Variants in CPPED1 observed in about 807,000 individuals in gnomAD.
CPPED1 encodes serine/threonine-protein phosphatase CPPED1.
CPPED1 carries 28 observed loss-of-function variants against 28.0 expected under a neutral mutation model. The observed-to-expected ratio is 1.00, with a 90% confidence interval of 0.74 to 1.37. The LOEUF is 1.37. Ranked by LOEUF, CPPED1 falls within the 40% of genes most tolerant of loss-of-function variation. The probability of loss-of-function intolerance (pLI) is 0.00; values close to 1 mark genes in which losing one functional copy is unlikely to be tolerated. For missense variants in CPPED1, 504 were observed against 416.5 expected (o/e 1.21, Z -1.83); for synonymous variants, 198 against 180.2 (o/e 1.10, Z -0.79).
At position 12,769,738 on chromosome 16, in the gene CPPED1, C is replaced by T. The variant is rs145376921; in HGVS notation, c.289+11447G>A. Among the ~76,000 whole-genome samples, 13 of 152,234 alleles carry T rather than the reference C, an allele frequency of 8.5e-5. No individual in the cohort carries two copies. In the East Asian group the frequency reaches 1.2e-3, roughly 14 times the overall value. ...GTTACTGCTCAGCATTCGACCCACA[C>T]GCGACCTGCTGGAAAATCTGAGCAC... On this transcript the variant is annotated intron_variant, in intron 2 of 3. Transcript: ENST00000381774.
chr16:12,745,487 G>A (rs1486569965), intron 2 of CPPED1, among the ~76,000 whole-genome samples: 1 of 152,150 alleles, frequency 6.6e-6, no homozygotes, highest in African/African-American at 2.4e-5. Context: ...ACACTACACA[G>A]CTATAAAAAA....
At chr16:12,689,613 C>T (rs2079951803) in intron 3 of CPPED1, among the ~76,000 whole-genome samples, 2 of 151,866 alleles carry the variant, frequency 1.3e-5, no homozygotes, top group South Asian at 2.1e-4. Context: ...AGCTGTGCAA[C>T]AAGAGTGCAC....
chr16:12,788,340 G>A (rs1042247540), intron 1 of CPPED1, among the ~76,000 whole-genome samples: 1 of 152,020 alleles, frequency 6.6e-6, no homozygotes, highest in Non-Finnish European at 1.5e-5. Flanking sequence ...TAAACCTGAG[G>A]GCTAGTCTCA....
At chr16:12,725,824 C>A (rs1431842854) in intron 2 of CPPED1, among the ~76,000 whole-genome samples, 1 of 152,180 alleles carries the variant, frequency 6.6e-6, no homozygotes, top group African/African-American at 2.4e-5. Flanking sequence ...ACATATATTT[C>A]ATCTTGACAA....
At chr16:12,742,539 T>G (rs2080261843) in intron 2 of CPPED1, among the ~76,000 whole-genome samples, 1 of 152,196 alleles carries the variant, frequency 6.6e-6, no homozygotes, top group African/African-American at 2.4e-5. Flanking sequence ...GCCACCTTCC[T>G]CCAAACCACC....
At chr16:12,760,413 G>C (rs1189960376) in intron 2 of CPPED1, 2 of 152,220 alleles carry the variant, frequency 1.3e-5, no homozygotes, top group East Asian at 1.9e-4. Flanking sequence ...AAGAGTTTAA[G>C]ATGGTGATGC....
chr16:12,740,872 TC>T (rs960655420), intron 2 of CPPED1, among the ~76,000 whole-genome samples: 3 of 152,160 alleles, frequency 2.0e-5, no homozygotes, highest in Admixed American at 6.5e-5. Context: ...CTGCACCATG[TC>T]CCCTACTGCT....
chr16:12,722,793 C>T (rs1472823144), intron 2 of CPPED1, among the ~76,000 whole-genome samples: 2 of 152,160 alleles, frequency 1.3e-5, no homozygotes, highest in Non-Finnish European at 2.9e-5. Context: ...GGGTTTCTTT[C>T]TCCCAGGGAT....
At chr16:12,782,247 G>A (rs1408296315) in intron 1 of CPPED1, among the ~76,000 whole-genome samples, 2 of 152,138 alleles carry the variant, frequency 1.3e-5, no homozygotes, top group African/African-American at 2.4e-5. Context: ...AGTGCTGTGG[G>A]TTTCACTTTT....
rs1002152089 is a variant in CPPED1, at chr16:12,709,495, T to C, written c.290-4446A>G. ...AACACTTAAAAAAATTTTAATGCAA[T>C]TGGTCAAAATAAAACTAGGAGGTAA... is the stretch of plus-strand genomic sequence containing the variant. On this transcript the variant is annotated intron_variant, in intron 2 of 3. Transcript: ENST00000381774. The surrounding 1 kb of genome is among the most constrained non-coding windows in gnomAD (Gnocchi z 4.4). 2.8e-4 allele frequency among the ~76,000 whole-genome samples: 43 copies of C among 152,142 alleles called. No individual in the cohort carries two copies. Among genetic ancestry groups the C allele is most frequent in the Non-Finnish European group, 6.2e-4 (42 of 68,022 alleles).
chr16:12,739,550 C>T (rs2080243557), intron 2 of CPPED1, among the ~76,000 whole-genome samples: 1 of 152,116 alleles, frequency 6.6e-6, no homozygotes, highest in African/African-American at 2.4e-5. Flanking sequence ...CATTGCCCTC[C>T]AGTCTGGACA....
chr16:12,750,602 C>T (rs1435283393), intron 2 of CPPED1, among the ~76,000 whole-genome samples: 1 of 152,098 alleles, frequency 6.6e-6, no homozygotes, highest in Non-Finnish European at 1.5e-5. Flanking sequence ...ATCACCATAA[C>T]AGATATAGTA....
In CPPED1 at chr16:12,662,313, C is replaced by A. The variant is rs1179782274; in HGVS notation, c.*2573G>T. ...CATTTCCTGACTTCTTGCTGAACCT[C>A]TTGCCTCTGGGAAATACTGCTGTTT... is the stretch of plus-strand genomic sequence containing the variant. On this transcript the variant is annotated 3_prime_UTR_variant, in exon 4 of 4. Coordinates refer to ENST00000381774, the MANE Select transcript of CPPED1 (RefSeq NM_018340.3). The A allele has an allele frequency of 6.6e-6, 1 of 152,182 alleles. No individual in the cohort carries two copies. Among genetic ancestry groups the A allele is most frequent in the African/African-American group, 2.4e-5 (1 of 41,446 alleles). The allele number at this position is 152,182 out of a possible 1,614,324, so 9.4% of individuals were successfully genotyped here. A position where few individuals can be genotyped will look rare whatever the true frequency, so the allele number is the denominator to read the frequency against.
intron 2 of CPPED1, among the ~76,000 whole-genome samples, chr16:12,706,900 C>T (rs988944522): frequency 1.3e-5 from 2 of 152,182 alleles, no homozygotes; most frequent in Non-Finnish European, 2.9e-5. Context: ...CGGCCTGAAG[C>T]CTAGTGGAGG....
chr16:12,770,468 T>C (rs1430003689), intron 2 of CPPED1, among the ~76,000 whole-genome samples: 1 of 152,064 alleles, frequency 6.6e-6, no homozygotes, highest in Non-Finnish European at 1.5e-5. Context: ...TCTAGACAGA[T>C]GGAAGGAGAA....
intron 3 of CPPED1, among the ~76,000 whole-genome samples, chr16:12,678,462 G>T: frequency 6.6e-6 from 1 of 152,072 alleles, no homozygotes. Flanking sequence ...ATTTTGATTG[G>T]GATTTTGTTG....
rs1207985227 is a variant in CPPED1, at chr16:12,702,419, T to C, written c.715+2205A>G. Among the ~76,000 whole-genome samples, 4 of 152,072 alleles carry C rather than the reference T, an allele frequency of 2.6e-5. No individual in the cohort carries two copies. In the South Asian group the frequency reaches 6.2e-4, roughly 24 times the overall value. The stretch of plus-strand genomic sequence containing the variant: ...TGGGCATGGTGGTGTGTGCCTATAG[T>C]CCCAGGTTCTCAGAAGGTAGAGGTG... On this transcript the variant is annotated intron_variant, in intron 3 of 3. Transcript: ENST00000381774.
intron 3 of CPPED1, among the ~76,000 whole-genome samples, chr16:12,674,981 A>G (rs1030452083): frequency 2.0e-5 from 3 of 152,186 alleles, no homozygotes; most frequent in Non-Finnish European, 2.9e-5. Context: ...AGGGGGGCAC[A>G]CAGCATGGCA....
intron 3 of CPPED1, among the ~76,000 whole-genome samples, chr16:12,669,572 T>C (rs2079843370): frequency 6.6e-6 from 1 of 152,218 alleles, no homozygotes; most frequent in Non-Finnish European, 1.5e-5. Context: ...GAGTTGGAGA[T>C]ATCAGTGGTA....
Sources: gnomAD v4.1 joint callset for allele counts (sites outside exome capture counted in the v4.1 genomes callset) on GRCh38, gnomAD v4.1.1 for gene constraint, Gnocchi (gnomAD v3.1) non-coding constraint, MANE v1.5 for transcripts, NCBI Gene and HGNC (gene_info 2026-07-23, HGNC 2026-07-21) for gene names.